COPA: variants seen among roughly 807,000 people sequenced by gnomAD.
The protein encoded by COPA is coat protein complex I subunit alpha, also known as coatomer subunit alpha.
COPA carries 10 observed loss-of-function variants against 158.7 expected under a neutral mutation model. The observed-to-expected ratio is 0.06, with a 90% CI of 0.04 to 0.11. The LOEUF (loss-of-function observed/expected upper bound fraction) is 0.11, where lower values mean the gene tolerates loss of function less well. Among genes scored for constraint, COPA ranks in the 10% least tolerant of loss-of-function variants. COPA has a pLI of 1.00. For missense variants in COPA, 1,065 were observed against 1,536.7 expected (o/e 0.69, Z 5.13); for synonymous variants, 462 against 542.8 (o/e 0.85, Z 2.07).
At chr1:160,325,343 T>G (rs1257970890) in intron 7 of COPA, among the ~76,000 whole-genome samples, 200 bp downstream of exon 7, 2 of 152,186 alleles carry the variant, frequency 1.3e-5, no homozygotes, top group African/African-American at 4.8e-5. Flanking sequence ...TATAAGGTAA[T>G]AAGACTCTCC....
chr1:160,332,548 T>C lies in COPA; in HGVS notation c.396A>G (p.Thr132=), dbSNP rs994912702. The C allele has an allele frequency of 8.1e-6, 13 of 1,598,530 alleles. No individual in the cohort carries two copies. Among genetic ancestry groups the C allele is most frequent in the African/African-American group, 5.4e-5 (4 of 73,874 alleles). ...CACACATCACATAATGGTTGTGCCC[T>C]GTTAACACACTGCAAGAAAAAAAAA... ...WQSRTCVCVL[T]GHNHYVMCAQ... The change falls in exon 6 of 33, where the codon ACA becomes ACG. Residue 132 remains threonine (T), a synonymous_variant. Transcript: ENST00000241704.
At chr1:160,303,666 A>G (rs1030405769) in intron 17 of COPA, among the ~76,000 whole-genome samples, 3 of 152,246 alleles carry the variant, frequency 2.0e-5, no homozygotes, top group Admixed American at 6.5e-5. Context: ...AATATCCATA[A>G]AAGATAAAGA....
chr1:160,334,203 C>T (rs1017711028), intron 4 of COPA, among the ~76,000 whole-genome samples: 5 of 152,152 alleles, frequency 3.3e-5, no homozygotes, highest in Non-Finnish European at 7.4e-5. Flanking sequence ...TTCTTATTTA[C>T]ACTTCCTTCT....
chr1:160,329,676 A>C (rs1353724868), intron 6 of COPA, among the ~76,000 whole-genome samples: 3 of 152,234 alleles, frequency 2.0e-5, no homozygotes, highest in African/African-American at 7.2e-5. Flanking sequence ...GAAAGGCATC[A>C]GTTTAGGTAT....
chr1:160,318,594 A>G (rs1336403310), intron 8 of COPA, among the ~76,000 whole-genome samples: 2 of 151,596 alleles, frequency 1.3e-5, no homozygotes, highest in East Asian at 3.9e-4. Context: ...AGACTATATT[A>G]CTATAATGGT....
At position 160,311,884 on chromosome 1, in the gene COPA, C is replaced by G. The variant is rs369659861; in HGVS notation, c.1060G>C (p.Val354Leu). 3.7e-6 allele frequency: 6 copies of G among 1,613,644 alleles called. No individual in the cohort carries two copies. The highest frequency in any genetic ancestry group is 4.2e-6 in the Non-Finnish European group (5 of 1,179,656). ...CCGATTTACCTCCGCAACTGCATCA[C>G]AGCTACATCTTTGGAGCTGTTGAAA... ...LDFNSSKDVA[V>L]MQLRSGSKFP... Residue 354 changes from valine to leucine, a missense_variant, in exon 11 of 33, where the codon GTG becomes CTG. Val to Leu is a conservative substitution (Grantham distance 32, BLOSUM62 1). Around this residue, in one of 2 missense-constraint regions of COPA, gnomAD observed 980 missense variants for 1,357.8 expected, o/e 0.72. Coordinates refer to ENST00000241704, the MANE Select transcript of COPA (RefSeq NM_004371.4).
At chr1:160,328,732 T>G (rs1647367354) in intron 6 of COPA, among the ~76,000 whole-genome samples, 1 of 152,232 alleles carries the variant, frequency 6.6e-6, no homozygotes, top group Admixed American at 6.5e-5. Flanking sequence ...AAGCTCAAGT[T>G]AAGAAAGTAA....
chr1:160,333,378 A>G (rs533381717), intron 5 of COPA: 11 of 449,818 alleles, frequency 2.4e-5, no homozygotes, highest in East Asian at 1.0e-4. Context: ...CTAAAAGGCT[A>G]TATGACTTCT....
At chr1:160,297,871 G>A in intron 19 of COPA, 126 bp from the exon 20 acceptor site, 1 of 1,043,108 alleles carries the variant, frequency 9.6e-7, no homozygotes. Flanking sequence ...ATTACTCCTA[G>A]CTTTTAGTCT....
rs36034271 is a variant in COPA, at chr1:160,300,344, AAAATAAATAAAT to A, written c.1668-1092_1668-1081del. Among the ~76,000 whole-genome samples the A allele has an allele frequency of 5.2e-3, 720 of 138,928 alleles. 3 individuals carry two copies. Among genetic ancestry groups the A allele is most frequent in the East Asian group, 0.019 (89 of 4,800 alleles). 91.1% of individuals were successfully genotyped at this position (138,928 alleles called of 152,430 possible). ...GAGACTGGGAGTGAGACTCCGACTC[AAAATAAATAAAT>A]AAATAAATAAATAAATAAATAAATA... On this transcript the variant is annotated intron_variant, in intron 17 of 32. Coordinates refer to ENST00000241704, the MANE Select transcript of COPA (RefSeq NM_004371.4).
rs142621186 is a variant in COPA, at chr1:160,299,896, A to C, written c.1668-632T>G. 4.0e-3 allele frequency among the ~76,000 whole-genome samples: 602 copies of C among 152,302 alleles called. 5 individuals are homozygous for C. Among genetic ancestry groups the C allele is most frequent in the African/African-American group, 0.014 (567 of 41,568 alleles). On this transcript the variant is annotated intron_variant, in intron 17 of 32. Transcript: ENST00000241704. ...GCCAATAGTAGAAATTAAATAAAAA[A>C]CAAAAACTACAGTAGAGAAGTTCAA... is the stretch of plus-strand genomic sequence containing the variant.
chr1:160,308,794 A>G (rs1323804181), intron 13 of COPA: 1 of 288,908 alleles, frequency 3.5e-6, no homozygotes, highest in African/African-American at 2.2e-5. Context: ...AATAAATGAA[A>G]CTACCAGGGT....
At chr1:160,313,386 C>T (rs1233266562) in intron 9 of COPA, among the ~76,000 whole-genome samples, 1 of 151,050 alleles carries the variant, frequency 6.6e-6, no homozygotes, top group Non-Finnish European at 1.5e-5. Flanking sequence ...TAGATTTCCC[C>T]TTTTCAGCAT....
chr1:160,313,033 G>C, intron 10 of COPA, 52 bp downstream of exon 10: 1 of 1,500,458 alleles, frequency 6.7e-7, no homozygotes, highest in South Asian at 1.2e-5. Flanking sequence ...TCACTTTCAA[G>C]ACTTATAAAC....
chr1:160,303,528 C>T (rs1189341782), intron 17 of COPA, among the ~76,000 whole-genome samples: 2 of 152,154 alleles, frequency 1.3e-5, no homozygotes, highest in Non-Finnish European at 2.9e-5. Flanking sequence ...CCATACATAA[C>T]TATCAATGTC....
chr1:160,332,318 A>C lies in COPA; in HGVS notation c.496+130T>G, dbSNP rs1647564663. Reference sequence around the variant, plus strand: ...TCAAAGCAAATTCAACAACCTCAGAAACAAAGATGCTATTATAAAACAGAA... The same window carrying C: ...TCAAAGCAAATTCAACAACCTCAGACACAAAGATGCTATTATAAAACAGAA... On this transcript the variant is annotated intron_variant, in intron 6 of 32. Coordinates refer to ENST00000241704, the MANE Select transcript of COPA (RefSeq NM_004371.4). 1.8e-5 allele frequency: 9 copies of C among 502,764 alleles called. No homozygotes were observed. In the South Asian group the frequency reaches 4.1e-4, roughly 23 times the overall value. 31.1% of individuals were successfully genotyped at this position (502,764 alleles called of 1,614,324 possible). A position where few individuals can be genotyped will look rare whatever the true frequency, so the allele number is the denominator to read the frequency against.
intron 32 of COPA, 104 bp from the exon 33 acceptor site, chr1:160,290,320 G>T: frequency 7.0e-7 from 1 of 1,424,356 alleles, no homozygotes; most frequent in Non-Finnish European, 9.8e-7. Flanking sequence ...ACAGGTATTG[G>T]GGTGTTCATC....
At chr1:160,327,459 C>T (rs1482492975) in intron 6 of COPA, among the ~76,000 whole-genome samples, 1 of 149,242 alleles carries the variant, frequency 6.7e-6, no homozygotes, top group East Asian at 2.0e-4. Flanking sequence ...ATTGCTTGAA[C>T]CCGGGGGGCG....
chr1:160,324,573 CA>C (rs1284202066), intron 7 of COPA, among the ~76,000 whole-genome samples: 5 of 151,398 alleles, frequency 3.3e-5, no homozygotes, highest in Non-Finnish European at 7.4e-5. Flanking sequence ...GCTGAGATTA[CA>C]GGTGTGACCC....
Sources: gnomAD v4.1 joint callset for allele counts (sites outside exome capture counted in the v4.1 genomes callset) on GRCh38, gnomAD v4.1.1 for gene constraint, gnomAD v4.1.1 regional missense constraint, MANE v1.5 for transcripts, NCBI Gene and HGNC (gene_info 2026-07-23, HGNC 2026-07-21) for gene names.